The following DMD variants were observed in gnomAD, a reference collection of about 807,000 sequenced individuals.
DMD encodes mutant dystrophin.
DMD carries 63 observed loss-of-function variants against 330.1 expected under a neutral mutation model. The observed-to-expected ratio is 0.19, with a 90% CI of 0.16 to 0.24. The LOEUF (loss-of-function observed/expected upper bound fraction) is 0.24, where lower values mean the gene tolerates loss of function less well. Among genes scored for constraint, DMD ranks in the 10% least tolerant of loss-of-function variants. The pLI, the probability that DMD is intolerant of heterozygous loss-of-function variation, is 1.00. For synonymous variants in DMD, 1,223 were observed against 959.8 expected (o/e 1.27, Z -5.07); for missense variants, 3,344 against 2,684.1 (o/e 1.25, Z -5.43).
chrX:31,680,218 C>T (rs1487282352), intron 52 of DMD, among the ~76,000 whole-genome samples: 1 of 111,849 alleles, frequency 8.9e-6, no homozygotes, highest in Non-Finnish European at 1.9e-5. Context: ...TAATGCACCA[C>T]TCTTTACTGG....
intron 28 of DMD, among the ~76,000 whole-genome samples, chrX:32,438,878 CAG>C (rs1204033050): frequency 9.0e-5 from 10 of 111,675 alleles, no homozygotes; most frequent in African/African-American, 3.3e-4. Flanking sequence ...GAAGAGAGAG[CAG>C]AGAGTGCCTA....
chrX:32,690,638 A>G (rs191202475), intron 9 of DMD, among the ~76,000 whole-genome samples: 144 of 107,627 alleles, frequency 1.3e-3, no homozygotes, highest in Non-Finnish European at 1.6e-3. Flanking sequence ...ATTGTCATGA[A>G]GACAGACATA....
At chrX:32,103,714 T>C (rs182294985) in intron 44 of DMD, among the ~76,000 whole-genome samples, 60 of 112,347 alleles carry the variant, frequency 5.3e-4, no homozygotes, top group Admixed American at 1.4e-3. Context: ...CAGATGTATG[T>C]ATAAGGAAGG....
chrX:31,152,178 A>C (rs774406059), intron 74 of DMD, among the ~76,000 whole-genome samples: 1 of 104,604 alleles, frequency 9.6e-6, no homozygotes, highest in East Asian at 2.9e-4. Flanking sequence ...TTATGCCTTT[A>C]AGCATCTTTT....
At chrX:32,498,641 T>A (rs1191511759) in intron 19 of DMD, among the ~76,000 whole-genome samples, 1 of 111,419 alleles carries the variant, frequency 9.0e-6, no homozygotes, top group Non-Finnish European at 1.9e-5. Flanking sequence ...ATATACAAAT[T>A]ATTGCTGTAA....
At chrX:31,207,665 C>A (rs190916304) in intron 65 of DMD, among the ~76,000 whole-genome samples, 1 of 111,735 alleles carries the variant, frequency 8.9e-6, no homozygotes, top group Non-Finnish European at 1.9e-5. Context: ...TAAGTGGAAG[C>A]TAAATGATGA....
chrX:31,665,217 G>A (rs927970674), intron 53 of DMD, among the ~76,000 whole-genome samples: 2 of 111,577 alleles, frequency 1.8e-5, no homozygotes, highest in Non-Finnish European at 3.8e-5. Flanking sequence ...ACTGAGCTTT[G>A]AAGAATATAA....
At chrX:33,245,456 C>A (rs1031536491) in intron 1 of DMD, among the ~76,000 whole-genome samples, 2 of 111,723 alleles carry the variant, frequency 1.8e-5, no homozygotes, top group Non-Finnish European at 3.8e-5. Flanking sequence ...AGTCACTAAA[C>A]CTATAATTTT....
At chrX:32,953,086 G>C in intron 2 of DMD, among the ~76,000 whole-genome samples, 1 of 100,199 alleles carries the variant, frequency 1.0e-5, no homozygotes, top group Non-Finnish European at 2.0e-5. Flanking sequence ...AGTGAGCAGA[G>C]ATCGCGTCAC....
intron 17 of DMD, among the ~76,000 whole-genome samples, chrX:32,519,716 T>C (rs1409527147): frequency 1.8e-5 from 2 of 112,067 alleles, no homozygotes; most frequent in African/African-American, 6.5e-5. Context: ...ACAACCTAAT[T>C]ACTATCACAA....
chrX:31,289,196 T>C (rs1359162289), intron 62 of DMD, among the ~76,000 whole-genome samples: 2 of 101,181 alleles, frequency 2.0e-5, no homozygotes, highest in African/African-American at 7.7e-5. Context: ...GGAGAATCAC[T>C]TGAACCCAGC....
chrX:33,012,052 A>T (rs1220309841), intron 2 of DMD, among the ~76,000 whole-genome samples: 1 of 111,885 alleles, frequency 8.9e-6, no homozygotes, highest in Non-Finnish European at 1.9e-5. Flanking sequence ...TCAAGATCTC[A>T]GTAACACTGG....
chrX:33,158,421 C>T (rs749151073), intron 1 of DMD, among the ~76,000 whole-genome samples: 1 of 111,096 alleles, frequency 9.0e-6, no homozygotes, highest in East Asian at 2.9e-4. Flanking sequence ...TCATTCTCTG[C>T]CTTGCATTGT....
chrX:31,910,254 G>A (rs1461260928), intron 47 of DMD, among the ~76,000 whole-genome samples: 2 of 109,642 alleles, frequency 1.8e-5, no homozygotes, highest in Non-Finnish European at 3.9e-5. Flanking sequence ...CAATTTAATA[G>A]TGAACATGTA....
At chrX:32,680,806 A>T (rs1165416888) in intron 9 of DMD, among the ~76,000 whole-genome samples, 1 of 108,239 alleles carries the variant, frequency 9.2e-6, no homozygotes, top group African/African-American at 3.6e-5. Context: ...ACACACACAG[A>T]AACACATACA....
intron 2 of DMD, among the ~76,000 whole-genome samples, chrX:32,890,746 A>G (rs1310145015): frequency 2.7e-5 from 3 of 111,976 alleles, no homozygotes; most frequent in Non-Finnish European, 5.6e-5. Context: ...GCCACTAGTT[A>G]TATGTGGCTA....
chrX:31,980,700 G>A lies in DMD; in HGVS notation c.6439-12186C>T, dbSNP rs191937297. Among the ~76,000 whole-genome samples the A allele has an allele frequency of 2.0e-3, 227 of 111,724 alleles. 2 individuals are homozygous for A. Among genetic ancestry groups the A allele is most frequent in the African/African-American group, 6.4e-3 (196 of 30,803 alleles). On this transcript the variant is annotated intron_variant, in intron 44 of 78. Coordinates refer to ENST00000357033, the MANE Select transcript of DMD (RefSeq NM_004006.3). ...TTACTGTCACACCCAGTAAGAAAGC[G>A]TGGAAAATATATTAGATGGCAGAAT...
chrX:31,995,406 A>G (rs2095578267), intron 44 of DMD, among the ~76,000 whole-genome samples: 1 of 111,725 alleles, frequency 9.0e-6, no homozygotes, highest in African/African-American at 3.2e-5. Flanking sequence ...AACTTCCTAT[A>G]TTTTTCAAAT....
intron 7 of DMD, among the ~76,000 whole-genome samples, chrX:32,742,798 T>A (rs1450159893): frequency 1.8e-5 from 2 of 112,234 alleles, no homozygotes; most frequent in African/African-American, 6.5e-5. Context: ...AGTAATCTTT[T>A]CGAAATTTTC....
Sources: allele counts gnomAD v4.1 joint callset (sites outside exome capture counted in the v4.1 genomes callset), GRCh38; gene constraint gnomAD v4.1.1; transcripts MANE v1.5; gene names NCBI Gene and HGNC (gene_info 2026-07-23, HGNC 2026-07-21).